Variants in SCFD2 observed in about 807,000 individuals in gnomAD.
SCFD2 encodes the protein sec1 family domain containing 2, also known as sec1 family domain-containing protein 2.
Under a neutral mutation model 58.9 loss-of-function variants are expected in SCFD2, and 54 were observed. That is an observed-to-expected ratio of 0.92 (90% CI 0.74 to 1.15). The LOEUF (loss-of-function observed/expected upper bound fraction) is 1.15. SCFD2 is among the 50% of genes most tolerant of loss of function. The pLI is 0.00. For synonymous variants in SCFD2, 321 were observed against 335.9 expected (o/e 0.96, Z 0.49); for missense variants, 805 against 836.6 (o/e 0.96, Z 0.47).
chr4:53,311,913 C>A (rs777750586), intron 3 of SCFD2, among the ~76,000 whole-genome samples: 2 of 152,020 alleles, frequency 1.3e-5, no homozygotes, highest in Non-Finnish European at 2.9e-5. Flanking sequence ...GGATTATAGT[C>A]GAGAGCCACT....
At chr4:53,290,197 C>A (rs1402729388) in intron 3 of SCFD2, among the ~76,000 whole-genome samples, 1 of 152,082 alleles carries the variant, frequency 6.6e-6, no homozygotes, top group Non-Finnish European at 1.5e-5. Flanking sequence ...ATAAAACATT[C>A]TCCAAGATAC....
chr4:53,285,855 A>G (rs1731648313), intron 3 of SCFD2, among the ~76,000 whole-genome samples: 2 of 152,064 alleles, frequency 1.3e-5, no homozygotes, highest in African/African-American at 4.8e-5. Flanking sequence ...CTCACAGGTC[A>G]TGAGCCCAGT....
intron 5 of SCFD2, among the ~76,000 whole-genome samples, chr4:53,144,666 T>C (rs1180482323): frequency 6.6e-6 from 1 of 151,782 alleles, no homozygotes; most frequent in Non-Finnish European, 1.5e-5. Context: ...ACAGAGAATA[T>C]ATCAATAGGA....
Position 53,319,997 on chromosome 4 carries a change from A to T in SCFD2, c.1008-6234T>A, listed in dbSNP as rs137957960. On this transcript the variant is annotated intron_variant, in intron 2 of 8. Transcript: ENST00000401642. ...TTGGTTAGTCTTTTTGGTGCTTTAT[A>T]TCCCCTTACAGTTATTACTAATGTT... 6.9e-4 allele frequency among the ~76,000 whole-genome samples: 105 copies of T among 152,330 alleles called. 2 individuals are homozygous for T. In the East Asian group the frequency reaches 0.018, roughly 26 times the overall value.
At chr4:53,340,859 T>C (rs80071508) in intron 2 of SCFD2, among the ~76,000 whole-genome samples, 19 of 152,126 alleles carry the variant, frequency 1.2e-4, no homozygotes, top group Non-Finnish European at 2.9e-5. Flanking sequence ...GGGTCTGGAG[T>C]GGACCTCCAG....
At chr4:52,941,217 T>C (rs1720284762) in intron 5 of SCFD2, among the ~76,000 whole-genome samples, 1 of 152,216 alleles carries the variant, frequency 6.6e-6, no homozygotes, top group South Asian at 2.1e-4. Context: ...GCATATAGTT[T>C]CTAGGGGATG....
chr4:52,955,872 T>C, intron 5 of SCFD2: 1 of 351,796 alleles, frequency 2.8e-6, no homozygotes, highest in Non-Finnish European at 5.6e-6. Context: ...GTGCCCAAGT[T>C]AGCATGCTCT....
intron 3 of SCFD2, among the ~76,000 whole-genome samples, chr4:53,288,527 A>G (rs1731740318): frequency 6.6e-6 from 1 of 152,212 alleles, no homozygotes; most frequent in Non-Finnish European, 1.5e-5. Context: ...CCATCAGATT[A>G]CCAGCGAATT....
intron 5 of SCFD2, among the ~76,000 whole-genome samples, chr4:53,078,257 G>A (rs1313896999): frequency 6.6e-6 from 1 of 152,160 alleles, no homozygotes; most frequent in African/African-American, 2.4e-5. Context: ...TAAAAACCCA[G>A]TCTATATCTC....
chr4:53,182,676 T>G (rs1295970405), intron 4 of SCFD2, among the ~76,000 whole-genome samples: 2 of 152,150 alleles, frequency 1.3e-5, no homozygotes, highest in East Asian at 3.9e-4. Flanking sequence ...ACTAAAGAGC[T>G]TCTGCGCAGC....
intron 4 of SCFD2, among the ~76,000 whole-genome samples, chr4:53,270,800 T>C (rs919376601): frequency 6.6e-6 from 1 of 152,106 alleles, no homozygotes; most frequent in Non-Finnish European, 1.5e-5. Context: ...AGCATAAAAC[T>C]GAACATATGG....
chr4:53,165,384 T>C lies in SCFD2; in HGVS notation c.1312-19802A>G, dbSNP rs548839208. On this transcript the variant is annotated intron_variant, in intron 4 of 8. Coordinates refer to ENST00000401642, the MANE Select transcript of SCFD2 (RefSeq NM_152540.4). ...TTATATAATTAATGAAAAACAAACA[T>C]TAACCAGCCTGATTTTTTAAAAAAG... Among the ~76,000 whole-genome samples, 3 of 152,288 alleles carry C rather than the reference T, an allele frequency of 2.0e-5. No individual in the cohort carries two copies. In the South Asian group the frequency reaches 6.2e-4, roughly 32 times the overall value.
intron 5 of SCFD2, among the ~76,000 whole-genome samples, chr4:53,043,340 G>T (rs995051711): frequency 2.0e-5 from 3 of 152,038 alleles, no homozygotes; most frequent in Non-Finnish European, 4.4e-5. Flanking sequence ...ATCTGATTAG[G>T]CTGGAGATCT....
intron 3 of SCFD2, among the ~76,000 whole-genome samples, chr4:53,299,953 A>G (rs183824338): frequency 2.0e-5 from 3 of 152,344 alleles, no homozygotes; most frequent in Admixed American, 1.3e-4. Context: ...AGGAAGCACT[A>G]AACATGGAAA....
chr4:53,142,634 C>T (rs1472198961), intron 5 of SCFD2, among the ~76,000 whole-genome samples: 1 of 152,232 alleles, frequency 6.6e-6, no homozygotes, highest in Non-Finnish European at 1.5e-5. Flanking sequence ...TCCTATTCTA[C>T]AAGACCGAGT....
intron 5 of SCFD2, chr4:52,950,167 T>C (rs1367827196): frequency 6.6e-6 from 1 of 152,220 alleles, no homozygotes; most frequent in Non-Finnish European, 1.5e-5. Context: ...GGGTTTTACA[T>C]ACACGCATAA....
At chr4:53,277,750 CTT>C (rs993581039) in intron 3 of SCFD2, among the ~76,000 whole-genome samples, 1 of 152,184 alleles carries the variant, frequency 6.6e-6, no homozygotes, top group Non-Finnish European at 1.5e-5. Context: ...ATAAAAGTGT[CTT>C]TGATTAAAAA....
chr4:53,319,083 C>T (rs1227294671), intron 2 of SCFD2, among the ~76,000 whole-genome samples: 4 of 152,276 alleles, frequency 2.6e-5, no homozygotes, highest in South Asian at 2.1e-4. Flanking sequence ...TTATGCAGAA[C>T]GTCAATTGTT....
chr4:52,923,777 G>T (rs1719799996), intron 5 of SCFD2, among the ~76,000 whole-genome samples: 1 of 152,164 alleles, frequency 6.6e-6, no homozygotes, highest in Non-Finnish European at 1.5e-5. Flanking sequence ...ACAGAGCATG[G>T]ATTGGTATCA....
Sources: gnomAD v4.1 joint callset for allele counts (sites outside exome capture counted in the v4.1 genomes callset) on GRCh38, gnomAD v4.1.1 for gene constraint, MANE v1.5 for transcripts, NCBI Gene and HGNC (gene_info 2026-07-23, HGNC 2026-07-21) for gene names.